The following KIRREL3 variants were observed in gnomAD, a reference collection of about 807,000 sequenced individuals.
KIRREL3 encodes kin of IRRE-like protein 3.
KIRREL3 carries 36 observed loss-of-function variants against 89.7 expected under a neutral mutation model. That is an observed-to-expected ratio of 0.40 (90% CI 0.31 to 0.53). The LOEUF is 0.53. KIRREL3 is among the 20% of genes least tolerant of loss of function. The pLI is 0.49. For synonymous variants in KIRREL3, 445 were observed against 441.4 expected (o/e 1.01, Z -0.10); for missense variants, 864 against 1,056.6 (o/e 0.82, Z 2.53).
upstream of KIRREL3, chr11:127,003,394 C>A (rs867758816): frequency 1.9e-5 from 3 of 154,172 alleles, no homozygotes; most frequent in Middle Eastern, 1.4e-3. Context: ...GCGCGCGGTT[C>A]GCTCCGGGGG....
At chr11:126,902,815 T>C (rs1475148656) in intron 1 of KIRREL3, among the ~76,000 whole-genome samples, 1 of 152,046 alleles carries the variant, frequency 6.6e-6, no homozygotes, top group Non-Finnish European at 1.5e-5. Context: ...AATTTTGTAT[T>C]CTGTTTTCCT....
intron 4 of KIRREL3, among the ~76,000 whole-genome samples, chr11:126,500,739 CA>C (rs10556780): frequency 0.028 from 3,741 of 133,120 alleles, 141 homozygotes; most frequent in African/African-American, 0.079. Context: ...GACTTTAACT[CA>C]AAAAAAAAAA....
intron 4 of KIRREL3, among the ~76,000 whole-genome samples, chr11:126,493,080 G>A (rs975113293): frequency 1.2e-4 from 18 of 152,226 alleles, no homozygotes; most frequent in African/African-American, 4.3e-4. Flanking sequence ...CAAAGACAGT[G>A]AGGTAGGCAG....
rs368978539 is a variant in KIRREL3 at position 126,463,122 on chromosome 11, G to A, written c.742+35C>T. On this transcript the variant is annotated intron_variant, in intron 6 of 16. Transcript: ENST00000525144. This position sits in a 1 kb window ranked among gnomAD's most constrained non-coding sequence, Gnocchi z 5.9. The stretch of plus-strand genomic sequence containing the variant: ...TGCTGGGTGTTTCACCCTGGGCCTG[G>A]CAGGGCTGGGTTGGGGGAGGGGGTG... 150 of 1,601,532 alleles carry A rather than the reference G, an allele frequency of 9.4e-5. No individual in the cohort carries two copies. Among genetic ancestry groups the A allele is most frequent in the Middle Eastern group, 2.1e-4 (1 of 4,868 alleles).
chr11:126,519,689 G>C lies in KIRREL3; in HGVS notation c.433+1626C>G, dbSNP rs1958525834. 6.6e-6 allele frequency among the ~76,000 whole-genome samples: 1 copy of C among 152,136 alleles called. No homozygotes were observed. The highest frequency in any genetic ancestry group is 2.4e-5 in the African/African-American group (1 of 41,406). ...AGGCAGATTCTTCTGAGGATGGAGG[G>C]GCTGAGCCATCTCTGAAGATGAGGA... On this transcript the variant is annotated intron_variant, in intron 4 of 16. Transcript: ENST00000525144. The surrounding 1 kb of genome is among the most constrained non-coding windows in gnomAD (Gnocchi z 4.3).
At chr11:126,649,635 C>T (rs1944830599) in intron 1 of KIRREL3, among the ~76,000 whole-genome samples, 1 of 152,162 alleles carries the variant, frequency 6.6e-6, no homozygotes, top group African/African-American at 2.4e-5. Flanking sequence ...GAGGTGGGTT[C>T]CCATGGTCTT....
At chr11:126,962,208 A>G (rs894694445) in intron 1 of KIRREL3, among the ~76,000 whole-genome samples, 1 of 152,346 alleles carries the variant, frequency 6.6e-6, no homozygotes, top group African/African-American at 2.4e-5. Context: ...GCTGCCTCAG[A>G]TGGTGATTCC....
chr11:126,838,028 C>T (rs540996559), intron 1 of KIRREL3, among the ~76,000 whole-genome samples: 1 of 152,310 alleles, frequency 6.6e-6, no homozygotes, highest in Non-Finnish European at 1.5e-5. Context: ...CATTGCCCAT[C>T]ATCCCTCTAA....
intron 2 of KIRREL3, among the ~76,000 whole-genome samples, chr11:126,556,999 A>G (rs1487157272): frequency 6.6e-6 from 1 of 152,246 alleles, no homozygotes; most frequent in African/African-American, 2.4e-5. Context: ...GTATTAGCCA[A>G]CATCCCGGGG....
In KIRREL3 at chr11:126,587,257, A is replaced by C. The variant is rs1228869490; in HGVS notation, c.56-24345T>G. ...AGGGAGATGAAGACGGGGGCTGCAG[A>C]GCGTTCCAGGCTGTGGAGGCAGCGT... On this transcript the variant is annotated intron_variant, in intron 1 of 16. Transcript: ENST00000525144. The surrounding 1 kb of genome is among the most constrained non-coding windows in gnomAD (Gnocchi z 5.2). Among the ~76,000 whole-genome samples the C allele has an allele frequency of 6.6e-6, 1 of 152,140 alleles. No individual in the cohort carries two copies. Among genetic ancestry groups the C allele is most frequent in the Non-Finnish European group, 1.5e-5 (1 of 68,032 alleles).
At chr11:126,529,844 C>T (rs540127215) in intron 2 of KIRREL3, among the ~76,000 whole-genome samples, 5 of 141,582 alleles carry the variant, frequency 3.5e-5, no homozygotes, top group African/African-American at 1.4e-4. Context: ...TTACTTTTCT[C>T]TTTTAAACCA....
Position 126,616,358 on chromosome 11 carries a change from G to A in KIRREL3, c.56-53446C>T, listed in dbSNP as rs143132590. 3.3e-5 allele frequency among the ~76,000 whole-genome samples: 5 copies of A among 152,260 alleles called. No individual in the cohort carries two copies. The East Asian group carries it at 9.7e-4, about 29-fold the overall frequency. On this transcript the variant is annotated intron_variant, in intron 1 of 16. Transcript: ENST00000525144. ...GGGTGCACAGCCTGACAAGCTGTGC[G>A]TTCTTCTTAAACACAGCCCAAATCA...
intron 1 of KIRREL3, among the ~76,000 whole-genome samples, chr11:126,702,144 C>A (rs535292026): frequency 7.7e-4 from 118 of 152,262 alleles, no homozygotes; most frequent in African/African-American, 2.7e-3. Context: ...GTCTCCTGTC[C>A]AAACCTTCAT....
chr11:126,435,338 G>C, intron 12 of KIRREL3, 35 bp from the exon 13 acceptor site: 1 of 1,610,850 alleles, frequency 6.2e-7, no homozygotes, highest in Non-Finnish European at 8.5e-7. Flanking sequence ...TACAGCCAGG[G>C]CCTGGCTGGC....
chr11:126,553,982 CT>C lies in KIRREL3; in HGVS notation c.133+8852del, dbSNP rs1417896497. The stretch of plus-strand genomic sequence containing the variant: ...GAACTGCTGTCTGTCAACCAAACAG[CT>C]CCTGAGTCAATCAAGAGCTGTTCAT... On this transcript the variant is annotated intron_variant, in intron 2 of 16. Coordinates refer to ENST00000525144, the MANE Select transcript of KIRREL3 (RefSeq NM_032531.4). The surrounding 1 kb of genome is among the most constrained non-coding windows in gnomAD (Gnocchi z 4.7). Among the ~76,000 whole-genome samples, 3 of 152,208 alleles carry C rather than the reference CT, an allele frequency of 2.0e-5. No individual in the cohort carries two copies. Among genetic ancestry groups the C allele is most frequent in the Admixed American group, 6.5e-5 (1 of 15,286 alleles).
At position 126,734,752 on chromosome 11, in the gene KIRREL3, G is replaced by A. The variant is rs529761098; in HGVS notation, c.56-171840C>T. ...TGTGTGATATGGTCAGTAACAGAGT[G>A]TGTCAAAGTGCTAAGGAATCACAGT... On this transcript the variant is annotated intron_variant, in intron 1 of 16. Coordinates refer to ENST00000525144, the MANE Select transcript of KIRREL3 (RefSeq NM_032531.4). The surrounding 1 kb of genome is among the most constrained non-coding windows in gnomAD (Gnocchi z 5.9). 1.3e-5 allele frequency among the ~76,000 whole-genome samples: 2 copies of A among 152,338 alleles called. No homozygotes were observed. Among genetic ancestry groups the A allele is most frequent in the African/African-American group, 4.8e-5 (2 of 41,590 alleles).
chr11:126,644,001 A>G (rs1281125907), intron 1 of KIRREL3, among the ~76,000 whole-genome samples: 1 of 152,238 alleles, frequency 6.6e-6, no homozygotes, highest in Non-Finnish European at 1.5e-5. Flanking sequence ...AACCACGTGC[A>G]GATGCTCAGT....
At chr11:126,827,562 C>T (rs778170007) in intron 1 of KIRREL3, among the ~76,000 whole-genome samples, 3 of 152,152 alleles carry the variant, frequency 2.0e-5, no homozygotes. Flanking sequence ...GTGAGAAAAA[C>T]AGTAATGCAC....
Position 126,686,656 on chromosome 11 carries a change from T to C in KIRREL3, c.56-123744A>G, listed in dbSNP as rs1470518659. Among the ~76,000 whole-genome samples, 1 of 152,208 alleles carries C rather than the reference T, an allele frequency of 6.6e-6. No individual in the cohort carries two copies. Among genetic ancestry groups the C allele is most frequent in the African/African-American group, 2.4e-5 (1 of 41,452 alleles). The stretch of plus-strand genomic sequence containing the variant: ...GTGCAGTGGCGTGATCTTGGCTCAC[T>C]GCAACCTCGGCCTCTCCAGTTCAAG... On this transcript the variant is annotated intron_variant, in intron 1 of 16. Coordinates refer to ENST00000525144, the MANE Select transcript of KIRREL3 (RefSeq NM_032531.4). The surrounding 1 kb of genome is among the most constrained non-coding windows in gnomAD (Gnocchi z 4.7).
Sources: allele counts gnomAD v4.1 joint callset (sites outside exome capture counted in the v4.1 genomes callset), GRCh38; gene constraint gnomAD v4.1.1; non-coding constraint Gnocchi (gnomAD v3.1); transcripts MANE v1.5; gene names NCBI Gene and HGNC (gene_info 2026-07-23, HGNC 2026-07-21).